The following LUC7L variants were observed in gnomAD, a reference collection of about 807,000 sequenced individuals.
The protein encoded by LUC7L is putative RNA-binding protein Luc7-like 1.
LUC7L carries 29 observed loss-of-function variants against 51.1 expected under a neutral mutation model. The observed-to-expected ratio is 0.57, with a 90% CI of 0.42 to 0.77. The LOEUF (loss-of-function observed/expected upper bound fraction) is 0.77, where lower values mean the gene tolerates loss of function less well. LUC7L is among the 30% of genes least tolerant of loss of function. LUC7L has a pLI of 0.00. For missense variants in LUC7L, 403 were observed against 511.9 expected (o/e 0.79, Z 2.05); for synonymous variants, 181 against 180.7 (o/e 1.00, Z -0.01).
intron 1 of LUC7L, 133 bp downstream of exon 1, chr16:229,146 G>C: frequency 7.1e-7 from 1 of 1,413,030 alleles, no homozygotes; most frequent in Non-Finnish European, 9.1e-7. Context: ...GCCTGCGGTC[G>C]GAGCGCGGGG....
At chr16:201,208 G>A (rs1276137598) in intron 5 of LUC7L, among the ~76,000 whole-genome samples, 7 of 41,728 alleles carry the variant, frequency 1.7e-4, no homozygotes, top group South Asian at 8.1e-4. Flanking sequence ...GAACTAGCAA[G>A]AACTTGAATT....
In LUC7L at chr16:229,311, A is replaced by C; in HGVS notation, c.29T>G (p.Leu10Arg). The C allele has an allele frequency of 6.5e-7, 1 of 1,533,054 alleles. No individual in the cohort carries two copies. The highest frequency in any genetic ancestry group is 8.7e-7 in the Non-Finnish European group (1 of 1,147,032). 95.0% of individuals were successfully genotyped at this position (1,533,054 alleles called of 1,614,324 possible). A position where few individuals can be genotyped will look rare whatever the true frequency, so the allele number is the denominator to read the frequency against. The change falls in exon 1 of 10, where the codon CTG becomes CGG. Residue 10 changes from leucine (L) to arginine (R), a missense_variant. Transcript: ENST00000293872. MSAQAQMRALLDQLMGTARD... is the reference protein window; with the variant it reads MSAQAQMRARLDQLMGTARD... ...AGCCGTGCCCATGAGCTGGTCCAGC[A>C]GGGCCCGCATCTGCGCCTGGGCGGA...
intron 2 of LUC7L, among the ~76,000 whole-genome samples, chr16:225,301 C>G (rs1459812438): frequency 1.3e-5 from 2 of 151,886 alleles, no homozygotes; most frequent in Non-Finnish European, 2.9e-5. Context: ...GCCTGGTCAA[C>G]ATGGTGAAAC....
chr16:224,185 A>G (rs1282317500), intron 2 of LUC7L, among the ~76,000 whole-genome samples: 1 of 152,208 alleles, frequency 6.6e-6, no homozygotes, highest in African/African-American at 2.4e-5. Flanking sequence ...ATTGATTTCC[A>G]TTATAAAAAA....
chr16:205,682 C>T (rs2049463870), intron 5 of LUC7L, among the ~76,000 whole-genome samples: 1 of 152,210 alleles, frequency 6.6e-6, no homozygotes, highest in Non-Finnish European at 1.5e-5. Context: ...CTCCGCCTCC[C>T]GGGTTCACGC....
intron 5 of LUC7L, among the ~76,000 whole-genome samples, chr16:202,034 G>A (rs565899809): frequency 6.6e-6 from 1 of 151,842 alleles, no homozygotes; most frequent in Admixed American, 6.6e-5. Context: ...ATGAGCAACC[G>A]TGCCCGGCCA....
chr16:227,348 T>C lies in LUC7L; in HGVS notation c.62-12A>G. 6.3e-7 allele frequency: 1 copy of C among 1,596,998 alleles called. No individual in the cohort carries two copies. Among genetic ancestry groups the C allele is most frequent in the Non-Finnish European group, 8.6e-7 (1 of 1,169,362 alleles). Reference sequence around the variant, plus strand: ...TCTGGTTTCGTCTCCTGAAATTCATTTGTGGTTTTAAATAAGACAATATTA... The same window carrying C: ...TCTGGTTTCGTCTCCTGAAATTCATCTGTGGTTTTAAATAAGACAATATTA... On this transcript the variant is annotated splice_polypyrimidine_tract_variant and intron_variant, in intron 1 of 9. Coordinates refer to ENST00000293872, the MANE Select transcript of LUC7L (RefSeq NM_201412.3).
rs532908141 is a variant in LUC7L, at chr16:224,971, G to GC, written c.156+2270dup. Among the ~76,000 whole-genome samples, 52 of 152,290 alleles carry GC rather than the reference G, an allele frequency of 3.4e-4. 1 individual carries two copies. The South Asian group carries it at 0.011, about 32-fold the overall frequency. ...TCTTTGGATGTAGCTTTTCAGCTTT[G>GC]CCAAGGAGGCAGGGAAAAATACTAC... is the stretch of plus-strand genomic sequence containing the variant. On this transcript the variant is annotated intron_variant, in intron 2 of 9. Coordinates refer to ENST00000293872, the MANE Select transcript of LUC7L (RefSeq NM_201412.3).
chr16:223,115 T>G (rs182291454), intron 2 of LUC7L, among the ~76,000 whole-genome samples: 43 of 151,562 alleles, frequency 2.8e-4, no homozygotes, highest in African/African-American at 1.0e-3. Context: ...ATCCCAGCAC[T>G]TTGGGAGGCC....
intron 4 of LUC7L, 75 bp from the exon 5 acceptor site, chr16:206,222 G>T: frequency 7.1e-7 from 1 of 1,411,118 alleles, no homozygotes; most frequent in South Asian, 1.2e-5. Flanking sequence ...GGTTTCTCCT[G>T]CTCCATTTCC....
chr16:212,043 T>C (rs1339095776), intron 3 of LUC7L, among the ~76,000 whole-genome samples: 1 of 151,978 alleles, frequency 6.6e-6, no homozygotes, highest in Non-Finnish European at 1.5e-5. Flanking sequence ...CCTGTAATCC[T>C]AGCACTTTGG....
At chr16:196,379 G>A (rs2049149038) in intron 6 of LUC7L, among the ~76,000 whole-genome samples, 2 of 151,908 alleles carry the variant, frequency 1.3e-5, no homozygotes, top group Admixed American at 1.3e-4. Context: ...CTGCACTCCA[G>A]CCTGGGTGAC....
At position 227,319 on chromosome 16, in the gene LUC7L, T is replaced by A. The variant is rs1242450788; in HGVS notation, c.79A>T (p.Arg27Trp). 4 of 1,609,684 alleles carry A rather than the reference T, an allele frequency of 2.5e-6. No homozygotes were observed. The Admixed American group carries it at 5.0e-5, about 20-fold the overall frequency. The change falls in exon 2 of 10, where the codon AGG becomes TGG. Residue 27 changes from arginine to tryptophan, a missense_variant. Coordinates refer to ENST00000293872, the MANE Select transcript of LUC7L (RefSeq NM_201412.3). ...TARDGDETRQ[R>W]VKFTDDRVCK... ...ACACGGTCATCTGTAAACTTGACCC[T>A]CTGTCTGGTTTCGTCTCCTGAAATT...
chr16:228,678 C>T lies in LUC7L; in HGVS notation c.61+601G>A, dbSNP rs1258184823. The T allele has an allele frequency of 5.1e-6, 6 of 1,179,238 alleles. No individual in the cohort carries two copies. The African/African-American group carries it at 9.6e-5, about 19-fold the overall frequency. The allele number at this position is 1,179,238 out of a possible 1,614,324, so 73.0% of individuals were successfully genotyped here. ...GTGACAACCATCATGATCTTGAGCT[C>T]CTCCCTACACAGTACAACCTACCTA... On this transcript the variant is annotated intron_variant, in intron 1 of 9. Coordinates refer to ENST00000293872, the MANE Select transcript of LUC7L (RefSeq NM_201412.3).
intron 1 of LUC7L, chr16:228,698 T>A (rs2050187664): frequency 1.7e-6 from 2 of 1,205,682 alleles, no homozygotes; most frequent in South Asian, 1.5e-5. Context: ...CAGTACAACC[T>A]ACCTAACGAC....
intron 7 of LUC7L, 87 bp from the exon 8 acceptor site, chr16:190,657 A>G (rs931344341): frequency 1.6e-6 from 2 of 1,215,270 alleles, no homozygotes; most frequent in Non-Finnish European, 2.4e-6. Flanking sequence ...TAGGCAGGCA[A>G]TCACCTGAGG....
chr16:208,752 G>C (rs1208213527), intron 3 of LUC7L: 1 of 447,346 alleles, frequency 2.2e-6, no homozygotes, highest in African/African-American at 2.1e-5. Flanking sequence ...AGGAAAAATT[G>C]GTTGCTATTT....
chr16:211,690 CTCTCTA>C (rs112423501), intron 3 of LUC7L, among the ~76,000 whole-genome samples: 6,863 of 152,118 alleles, frequency 0.045, 211 homozygotes, highest in Non-Finnish European at 0.068. Flanking sequence ...CACCCAATCT[CTCTCTA>C]TCTCTGAGTA....
intron 3 of LUC7L, among the ~76,000 whole-genome samples, chr16:217,139 C>T (rs1738513300): frequency 6.6e-6 from 1 of 152,098 alleles, no homozygotes; most frequent in Admixed American, 6.6e-5. Flanking sequence ...GCCTCAGTCT[C>T]CCGAGTAGTT....
Sources: gnomAD v4.1 joint callset for allele counts (sites outside exome capture counted in the v4.1 genomes callset) on GRCh38, gnomAD v4.1.1 for gene constraint, MANE v1.5 for transcripts, NCBI Gene and HGNC (gene_info 2026-07-23, HGNC 2026-07-21) for gene names.